The following PMFBP1 variants were observed in gnomAD, a reference collection of about 807,000 sequenced individuals.
The protein encoded by PMFBP1 is polyamine-modulated factor 1-binding protein 1.
A neutral mutation model predicts 137.8 loss-of-function variants in PMFBP1; 131 were observed. That is an observed-to-expected ratio of 0.95 (90% confidence interval 0.82 to 1.10). The LOEUF (loss-of-function observed/expected upper bound fraction) is 1.10, where lower values mean the gene tolerates loss of function less well. Among genes scored for constraint, PMFBP1 ranks in the 50% least tolerant of loss-of-function variants. The probability of loss-of-function intolerance (pLI) is 0.00; values close to 1 mark genes in which losing one functional copy is unlikely to be tolerated. For synonymous variants in PMFBP1, 490 were observed against 450.4 expected (o/e 1.09, Z -1.11); for missense variants, 1,199 against 1,175.4 (o/e 1.02, Z -0.29).
Position 72,125,988 on chromosome 16 carries a change from G to A in PMFBP1, c.2233C>T (p.Leu745=), listed in dbSNP as rs1268315042. The change falls in exon 15 of 21, where the codon CTG becomes TTG. Residue 745 remains leucine (L), a synonymous_variant. Coordinates refer to ENST00000237353, the MANE Select transcript of PMFBP1 (RefSeq NM_031293.3). ...CTCACCTTCTCGAGGGCTTGTGTCAGGTCATCCTGGCAGGCGGCTGACTTC... is the reference window on the plus strand; with the variant it reads ...CTCACCTTCTCGAGGGCTTGTGTCAAGTCATCCTGGCAGGCGGCTGACTTC... ...SRKSAACQDD[L]TQALEKLNHV... is the part of the protein sequence containing the mutation. 6.2e-7 allele frequency: 1 copy of A among 1,614,020 alleles called. No homozygotes were observed. Among genetic ancestry groups the A allele is most frequent in the African/African-American group, 1.3e-5 (1 of 74,910 alleles).
the PMFBP1 span, among the ~76,000 whole-genome samples, chr16:72,203,001 T>G: frequency 1.3e-5 from 2 of 152,304 alleles, no homozygotes; most frequent in Non-Finnish European, 2.9e-5. Context: ...TTTTCAGACT[T>G]GGAAATTCAC....
chr16:72,238,062 G>A, the PMFBP1 span, among the ~76,000 whole-genome samples: 2 of 152,206 alleles, frequency 1.3e-5, no homozygotes, highest in Non-Finnish European at 2.9e-5. Flanking sequence ...GGACATTTAA[G>A]TTGATGCCAT....
At chr16:72,239,122 C>G in the PMFBP1 span, among the ~76,000 whole-genome samples, 2 of 152,086 alleles carry the variant, frequency 1.3e-5, no homozygotes, top group African/African-American at 4.8e-5. Flanking sequence ...AACTTTTTTC[C>G]TAATAGTACC....
At chr16:72,134,692 T>C (rs1297683572) in intron 9 of PMFBP1, among the ~76,000 whole-genome samples, 1 of 152,216 alleles carries the variant, frequency 6.6e-6, no homozygotes, top group Non-Finnish European at 1.5e-5. Context: ...CCCACCTCAG[T>C]GCCTTTGCAC....
the PMFBP1 span, among the ~76,000 whole-genome samples, chr16:72,193,731 A>C: frequency 6.6e-6 from 1 of 151,508 alleles, no homozygotes; most frequent in Non-Finnish European, 1.5e-5. Flanking sequence ...GAGGAAAAAA[A>C]AAAAAAAAGA....
the PMFBP1 span, among the ~76,000 whole-genome samples, chr16:72,245,804 C>A: frequency 2.0e-5 from 3 of 152,126 alleles, no homozygotes; most frequent in Non-Finnish European, 4.4e-5. Context: ...CTCCTTCACT[C>A]TCTCTCTCCA....
chr16:72,184,652 A>G, the PMFBP1 span, among the ~76,000 whole-genome samples: 1 of 152,260 alleles, frequency 6.6e-6, no homozygotes, highest in Admixed American at 6.5e-5. Flanking sequence ...AAACTCAAGT[A>G]GCCCAACTCT....
the PMFBP1 span, among the ~76,000 whole-genome samples, chr16:72,227,266 T>C: frequency 6.6e-6 from 1 of 152,230 alleles, no homozygotes. Context: ...TAGTCTGCAC[T>C]GTTATTCTGA....
chr16:72,246,295 AG>A, the PMFBP1 span, among the ~76,000 whole-genome samples: 2 of 152,190 alleles, frequency 1.3e-5, no homozygotes, highest in Non-Finnish European at 2.9e-5. Context: ...CAAGTTGACA[AG>A]TGGTAGTAGG....
At chr16:72,205,873 G>C in the PMFBP1 span, among the ~76,000 whole-genome samples, 1 of 152,136 alleles carries the variant, frequency 6.6e-6, no homozygotes, top group Non-Finnish European at 1.5e-5. Context: ...GAAGCATCTA[G>C]ATGGAGGCTC....
chr16:72,226,121 C>G, the PMFBP1 span, among the ~76,000 whole-genome samples: 1 of 152,150 alleles, frequency 6.6e-6, no homozygotes, highest in African/African-American at 2.4e-5. Flanking sequence ...GGAATCCATC[C>G]TCTCTGTCAA....
intron 3 of PMFBP1, among the ~76,000 whole-genome samples, chr16:72,155,017 C>G (rs982701926): frequency 6.6e-6 from 1 of 152,092 alleles, no homozygotes; most frequent in African/African-American, 2.4e-5. Flanking sequence ...GATGCTGACT[C>G]TGTGTGCGTG....
the PMFBP1 span, among the ~76,000 whole-genome samples, chr16:72,188,941 G>A: frequency 2.0e-5 from 3 of 152,192 alleles, no homozygotes; most frequent in Non-Finnish European, 4.4e-5. Context: ...CAGGGTCCCC[G>A]ACCAAGGGAG....
At chr16:72,132,375 A>G (rs2042561909) in intron 10 of PMFBP1, among the ~76,000 whole-genome samples, 1 of 152,194 alleles carries the variant, frequency 6.6e-6, no homozygotes, top group East Asian at 1.9e-4. Context: ...AAAAAGGCGA[A>G]AGGGAATAAA....
chr16:72,155,008 A>C (rs575773622), intron 3 of PMFBP1, among the ~76,000 whole-genome samples: 41 of 152,166 alleles, frequency 2.7e-4, no homozygotes, highest in African/African-American at 8.7e-4. Context: ...GACCTTGCGG[A>C]TGCTGACTCT....
chr16:72,119,753 G>T, intron 20 of PMFBP1, 98 bp downstream of exon 20: 1 of 1,539,294 alleles, frequency 6.5e-7, no homozygotes, highest in Non-Finnish European at 8.7e-7. Flanking sequence ...ATGACTTGAG[G>T]CCACAAAAGG....
intron 15 of PMFBP1, among the ~76,000 whole-genome samples, chr16:72,125,737 G>T (rs2042445788): frequency 6.6e-6 from 1 of 152,174 alleles, no homozygotes; most frequent in Admixed American, 6.5e-5. Context: ...TGGGCAGAAA[G>T]GCTTGCTAGA....
chr16:72,232,191 C>T, the PMFBP1 span, among the ~76,000 whole-genome samples: 1 of 152,266 alleles, frequency 6.6e-6, no homozygotes, highest in East Asian at 1.9e-4. Flanking sequence ...TCCCTCCATG[C>T]CTTTCAGATC....
chr16:72,163,567 A>G (rs1185528593), intron 3 of PMFBP1, among the ~76,000 whole-genome samples: 2 of 152,224 alleles, frequency 1.3e-5, no homozygotes, highest in Non-Finnish European at 2.9e-5. Flanking sequence ...CTGAGGGTCA[A>G]GTAGTAGTTG....
Sources: gnomAD v4.1 joint callset for allele counts (sites outside exome capture counted in the v4.1 genomes callset) on GRCh38, gnomAD v4.1.1 for gene constraint, MANE v1.5 for transcripts, NCBI Gene and HGNC (gene_info 2026-07-23, HGNC 2026-07-21) for gene names.